Variants in PRMT9 observed in about 807,000 individuals in gnomAD.
PRMT9 encodes protein arginine N-methyltransferase 9.
PRMT9 carries 59 observed loss-of-function variants against 83.2 expected under a neutral mutation model. The ratio of observed to expected loss-of-function variants is 0.71; its 90% CI spans 0.57 to 0.88. The LOEUF (loss-of-function observed/expected upper bound fraction) is 0.88, where lower values mean the gene tolerates loss of function less well. Among genes scored for constraint, PRMT9 ranks in the 40% least tolerant of loss-of-function variants. The pLI is 0.00. For synonymous variants in PRMT9, 333 were observed against 353.2 expected (o/e 0.94, Z 0.64); for missense variants, 947 against 1,021.9 (o/e 0.93, Z 1.00).
At chr4:147,640,232 T>C (rs552998565) in intron 10 of PRMT9, among the ~76,000 whole-genome samples, 28 of 151,496 alleles carry the variant, frequency 1.8e-4, no homozygotes, top group Admixed American at 4.6e-4. Flanking sequence ...ACCACCACAC[T>C]TGGCTAATAT....
Position 147,683,988 on chromosome 4 carries a change from G to A in PRMT9, c.-1C>T, listed in dbSNP as rs1319002055. The A allele has an allele frequency of 6.2e-7, 1 of 1,612,622 alleles. No individual in the cohort carries two copies. Among genetic ancestry groups the A allele is most frequent in the East Asian group, 2.2e-5 (1 of 44,868 alleles). ...GGGACCTGGGCCGCGAGTTCGACAT[G>A]GCAGTCACCACTTGTATGGCCAAAG... On this transcript the variant is annotated 5_prime_UTR_variant, in exon 1 of 12. Transcript: ENST00000322396.
intron 1 of PRMT9, among the ~76,000 whole-genome samples, chr4:147,683,115 T>A (rs1457383371): frequency 6.6e-6 from 1 of 152,170 alleles, no homozygotes; most frequent in Admixed American, 6.5e-5. Context: ...AAAGAACGCA[T>A]CATTAAATGA....
intron 6 of PRMT9, among the ~76,000 whole-genome samples, chr4:147,662,962 GATT>G (rs1206593178): frequency 6.6e-6 from 1 of 151,430 alleles, no homozygotes; most frequent in Non-Finnish European, 1.5e-5. Context: ...TACTTTTACA[GATT>G]ATTACACTCT....
chr4:147,655,443 G>A (rs993261412), intron 8 of PRMT9, among the ~76,000 whole-genome samples: 2 of 152,098 alleles, frequency 1.3e-5, no homozygotes, highest in African/African-American at 2.4e-5. Flanking sequence ...GATTACAGGC[G>A]TGAGCCACTG....
intron 7 of PRMT9, among the ~76,000 whole-genome samples, chr4:147,659,893 TATACAGAACATCCTCACGCCATTC>T (rs1734836599): frequency 6.6e-6 from 1 of 152,156 alleles, no homozygotes; most frequent in South Asian, 2.1e-4. Flanking sequence ...GCACTTTCTT[TATACAGAACATCCTCACGCCATTC>T]ACTAACACAC....
rs756105948 is a variant in PRMT9, at chr4:147,680,391, A to C, written c.270T>G (p.Tyr90Ter). The stretch of plus-strand genomic sequence containing the variant: ...CAGGAAACAGTTCCAAGGCCTGCTC[A>C]TAGCAACCAAGTAAGTCTTGTATCC... ...LSRIQDLLGC[Y>*]EQALELFPDD... Residue 90 changes from tyrosine (Y) to a stop codon, truncating the protein, a stop_gained, in exon 2 of 12, where the codon TAT (tyrosine) becomes TAG (stop). Transcript: ENST00000322396. LOFTEE classifies it high-confidence loss of function. 1.9e-6 allele frequency: 3 copies of C among 1,613,990 alleles called. No homozygotes were observed. The highest frequency in any genetic ancestry group is 4.5e-5 in the East Asian group (2 of 44,894).
At chr4:147,659,271 G>GCAC (rs1734768023) in intron 7 of PRMT9, among the ~76,000 whole-genome samples, 1 of 151,546 alleles carries the variant, frequency 6.6e-6, no homozygotes, top group Non-Finnish European at 1.5e-5. Flanking sequence ...CATGGTGGTG[G>GCAC]GTGCCTGTAA....
intron 9 of PRMT9, among the ~76,000 whole-genome samples, chr4:147,644,765 A>G (rs909735188): frequency 6.6e-6 from 1 of 152,120 alleles, no homozygotes; most frequent in African/African-American, 2.4e-5. Context: ...TTCCACACCT[A>G]CCTATGTAAT....
rs1415449649 is a variant in PRMT9 at position 147,672,963 on chromosome 4, C to A, written c.739G>T (p.Glu247Ter). ...LDIEIPKHIP[E>*]RVSLVVTETV... ...AATTAGTTTACATGATAATACCTTT[C>A]GGGAATATGTTTTGGAATCTCTATG... Residue 247 changes from glutamate to a stop codon, truncating the protein, a stop_gained, in exon 4 of 12, where the codon GAA becomes TAA. Coordinates refer to ENST00000322396, the MANE Select transcript of PRMT9 (RefSeq NM_138364.4). LOFTEE classifies it high-confidence loss of function. 1.9e-6 allele frequency: 3 copies of A among 1,612,610 alleles called. No individual in the cohort carries two copies. The highest frequency in any genetic ancestry group is 2.5e-6 in the Non-Finnish European group (3 of 1,178,856).
chr4:147,646,541 G>C lies in PRMT9; in HGVS notation c.2046-3601C>G, dbSNP rs983661603. Among the ~76,000 whole-genome samples, 3 of 151,870 alleles carry C rather than the reference G, an allele frequency of 2.0e-5. 1 individual carries two copies. The highest frequency in any genetic ancestry group is 1.3e-4 in the Admixed American group (2 of 15,176). On this transcript the variant is annotated intron_variant, in intron 9 of 11. Transcript: ENST00000322396. Reference sequence around the variant, plus strand: ...TTTATAAAACATAGGTTGAGCCCAGGAAGTCAAGGCTGCAGTGAGCCATGA... The same window carrying C: ...TTTATAAAACATAGGTTGAGCCCAGCAAGTCAAGGCTGCAGTGAGCCATGA...
intron 7 of PRMT9, among the ~76,000 whole-genome samples, chr4:147,658,815 C>G (rs1444733253): frequency 6.6e-6 from 1 of 152,094 alleles, no homozygotes; most frequent in Non-Finnish European, 1.5e-5. Flanking sequence ...AAATCTTAGG[C>G]TAGCTGGGCA....
At chr4:147,658,307 G>A (rs1734679634) in intron 7 of PRMT9, among the ~76,000 whole-genome samples, 1 of 151,852 alleles carries the variant, frequency 6.6e-6, no homozygotes, top group African/African-American at 2.4e-5. Flanking sequence ...ATGGAGGGGG[G>A]TAGAGAGAGA....
rs571730503 is a variant in PRMT9 at position 147,639,605 on chromosome 4, G to A, written c.2200-523C>T. On this transcript the variant is annotated intron_variant, in intron 10 of 11. Transcript: ENST00000322396. ...GGTTTTTAAAAGCCCAGCTGTTCAG[G>A]CCACACCCCAAACCATCTGGCATTA... 7.5e-4 allele frequency among the ~76,000 whole-genome samples: 114 copies of A among 152,160 alleles called. 2 individuals are homozygous for A. The South Asian group carries it at 0.023, about 31-fold the overall frequency.
rs536451275 is a variant in PRMT9 at position 147,651,200 on chromosome 4, T to G, written c.2045+2652A>C. Among the ~76,000 whole-genome samples, 4 of 152,216 alleles carry G rather than the reference T, an allele frequency of 2.6e-5. No homozygotes were observed. In the East Asian group the frequency reaches 7.7e-4, roughly 29 times the overall value. On this transcript the variant is annotated intron_variant, in intron 9 of 11. Coordinates refer to ENST00000322396, the MANE Select transcript of PRMT9 (RefSeq NM_138364.4). Reference sequence around the variant, plus strand: ...TTTCCAAAATATACAAAAACATGTATATTTTTATATACACCATATACAAAA... The same window carrying G: ...TTTCCAAAATATACAAAAACATGTAGATTTTTATATACACCATATACAAAA...
chr4:147,663,867 T>G (rs1735144714), intron 6 of PRMT9, among the ~76,000 whole-genome samples: 1 of 152,220 alleles, frequency 6.6e-6, no homozygotes. Context: ...TCTGTATCAT[T>G]TGTGAGTAGG....
chr4:147,668,001 A>G (rs79073886), intron 6 of PRMT9, among the ~76,000 whole-genome samples: 1 of 150,534 alleles, frequency 6.6e-6, no homozygotes, highest in African/African-American at 2.4e-5. Context: ...GCAAAAAAAA[A>G]AATAAGACCA....
At chr4:147,656,750 CA>C (rs1165532618) in intron 8 of PRMT9, among the ~76,000 whole-genome samples, 2 of 107,868 alleles carry the variant, frequency 1.9e-5, no homozygotes, top group Non-Finnish European at 3.4e-5. Flanking sequence ...CCAGCCTGGG[CA>C]ACAGAGCGAG....
At chr4:147,670,524 A>C in intron 5 of PRMT9, 117 bp downstream of exon 5, 1 of 817,240 alleles carries the variant, frequency 1.2e-6, no homozygotes, top group Non-Finnish European at 2.1e-6. Flanking sequence ...CACAGTATGT[A>C]CACCTTGGCA....
Position 147,683,835 on chromosome 4 carries a change from C to T in PRMT9, c.153G>A (p.Val51=). The T allele has an allele frequency of 6.2e-7, 1 of 1,612,862 alleles. No individual in the cohort carries two copies. Among genetic ancestry groups the T allele is most frequent in the Non-Finnish European group, 8.5e-7 (1 of 1,179,874 alleles). ...GTTTCAGCTCCGGCGCCAGGCTGAG[C>T]ACGAGGAGGTAGTGGGCATAGGCAG... ...FGTAYAHYLL[V]LSLAPELKHD... Residue 51 remains valine (V), a synonymous_variant, in exon 1 of 12, where the codon GTG becomes GTA. Transcript: ENST00000322396.
Sources: gnomAD v4.1 joint callset for allele counts (sites outside exome capture counted in the v4.1 genomes callset) on GRCh38, gnomAD v4.1.1 for gene constraint, MANE v1.5 for transcripts, NCBI Gene and HGNC (gene_info 2026-07-23, HGNC 2026-07-21) for gene names.